Variants in SDCCAG8 observed in about 807,000 individuals in gnomAD.
The protein encoded by SDCCAG8 is SHH signaling and ciliogenesis regulator SDCCAG8, also known as serologically defined colon cancer antigen 8.
A neutral mutation model predicts 101.8 loss-of-function variants in SDCCAG8; 74 were observed. The ratio of observed to expected loss-of-function variants is 0.73; its 90% CI spans 0.60 to 0.88. SDCCAG8 has a LOEUF of 0.88. Ranked by LOEUF, SDCCAG8 falls within the 40% of genes least tolerant of loss-of-function variation. The pLI is 0.00. For synonymous variants in SDCCAG8, 281 were observed against 292.9 expected (o/e 0.96, Z 0.41); for missense variants, 787 against 822.6 (o/e 0.96, Z 0.53).
At chr1:243,476,090 C>T (rs1198264792) in intron 16 of SDCCAG8, 3 of 985,274 alleles carry the variant, frequency 3.0e-6, no homozygotes, top group African/African-American at 3.5e-5. Context: ...GTGTGGAGGA[C>T]CCCCTTTTAC....
chr1:243,498,244 G>C (rs1313342031), intron 17 of SDCCAG8, among the ~76,000 whole-genome samples: 1 of 152,214 alleles, frequency 6.6e-6, no homozygotes, highest in Non-Finnish European at 1.5e-5. Flanking sequence ...GATCGTGTTG[G>C]TGGCAGTCTC....
chr1:243,316,362 G>A (rs915209738), intron 8 of SDCCAG8, among the ~76,000 whole-genome samples: 1 of 152,198 alleles, frequency 6.6e-6, no homozygotes, highest in Non-Finnish European at 1.5e-5. Flanking sequence ...CATGGACAAA[G>A]CCTCAGTCCT....
At chr1:243,478,956 C>CAAAAAAAAAAAAAAAAAAAAAA (rs148382740) in intron 16 of SDCCAG8, among the ~76,000 whole-genome samples, 17 of 94,690 alleles carry the variant, frequency 1.8e-4, no homozygotes, top group African/African-American at 7.0e-4. Flanking sequence ...GACTCTGTCT[C>CAAAAAAAAAAAAAAAAAAAAAA]AAAAAAAAAA....
At chr1:243,353,368 G>C (rs2076194568) in intron 12 of SDCCAG8, among the ~76,000 whole-genome samples, 1 of 151,502 alleles carries the variant, frequency 6.6e-6, no homozygotes, top group Non-Finnish European at 1.5e-5. Flanking sequence ...GCGCGCGCCT[G>C]TAATCCCAGC....
chr1:243,411,895 C>G (rs1396652671), intron 13 of SDCCAG8, among the ~76,000 whole-genome samples: 1 of 152,154 alleles, frequency 6.6e-6, no homozygotes, highest in East Asian at 1.9e-4. Flanking sequence ...CCATAACTAC[C>G]AAGAAATTCT....
chr1:243,459,229 A>G (rs1416210758), intron 16 of SDCCAG8, among the ~76,000 whole-genome samples: 2 of 152,182 alleles, frequency 1.3e-5, no homozygotes, highest in Non-Finnish European at 2.9e-5. Context: ...ATGATTGAGG[A>G]AGTGGAGGCT....
At chr1:243,476,159 C>T in intron 16 of SDCCAG8, 1 of 985,450 alleles carries the variant, frequency 1.0e-6, no homozygotes, top group Non-Finnish European at 1.2e-6. Flanking sequence ...TTCTGAGTCA[C>T]TCTGTTCAGC....
At chr1:243,481,741 G>T (rs1054185257) in intron 16 of SDCCAG8, among the ~76,000 whole-genome samples, 1 of 152,152 alleles carries the variant, frequency 6.6e-6, no homozygotes, top group African/African-American at 2.4e-5. Flanking sequence ...GGAGGCTCTG[G>T]TCTGAAAACA....
intron 16 of SDCCAG8, among the ~76,000 whole-genome samples, chr1:243,484,369 C>T (rs1664359674): frequency 6.6e-6 from 1 of 152,256 alleles, no homozygotes; most frequent in Non-Finnish European, 1.5e-5. Context: ...ACCCACTCAT[C>T]CTTTCCCATC....
chr1:243,262,812 A>G (rs974081423), intron 1 of SDCCAG8, among the ~76,000 whole-genome samples: 2 of 152,238 alleles, frequency 1.3e-5, no homozygotes, highest in African/African-American at 4.8e-5. Context: ...AAAGTAGACA[A>G]GGTAGCTAGA....
At chr1:243,460,513 A>G (rs994083864) in intron 16 of SDCCAG8, among the ~76,000 whole-genome samples, 2 of 152,228 alleles carry the variant, frequency 1.3e-5, no homozygotes, top group Non-Finnish European at 2.9e-5. Context: ...AGAAAGTTGA[A>G]GCAGGTCCAT....
At chr1:243,278,110 C>T (rs1021075971) in intron 4 of SDCCAG8, among the ~76,000 whole-genome samples, 5 of 152,082 alleles carry the variant, frequency 3.3e-5, no homozygotes, top group African/African-American at 1.2e-4. Flanking sequence ...ATTGAGTATC[C>T]CTATCCATGA....
At chr1:243,262,487 T>C (rs2067271468) in intron 1 of SDCCAG8, among the ~76,000 whole-genome samples, 1 of 152,194 alleles carries the variant, frequency 6.6e-6, no homozygotes, top group African/African-American at 2.4e-5. Flanking sequence ...AATTTTTCTT[T>C]CCTACTACTG....
intron 10 of SDCCAG8, among the ~76,000 whole-genome samples, chr1:243,332,860 C>T (rs139415642): frequency 2.0e-5 from 3 of 151,548 alleles, no homozygotes; most frequent in Non-Finnish European, 2.9e-5. Flanking sequence ...AGGTGGTTAT[C>T]GTAGTCCAGG....
intron 9 of SDCCAG8, among the ~76,000 whole-genome samples, chr1:243,317,153 T>C (rs1174668780): frequency 1.3e-5 from 2 of 152,186 alleles, no homozygotes; most frequent in African/African-American, 4.8e-5. Flanking sequence ...ATATGCTTAA[T>C]CTTTTTATTT....
chr1:243,308,361 T>C (rs2072371434), intron 8 of SDCCAG8, among the ~76,000 whole-genome samples, 184 bp downstream of exon 8: 2 of 152,240 alleles, frequency 1.3e-5, no homozygotes, highest in African/African-American at 2.4e-5. Context: ...GGTTCTGCCA[T>C]GTCACCATGT....
At chr1:243,397,365 TA>T (rs1298623633) in intron 13 of SDCCAG8, among the ~76,000 whole-genome samples, 1 of 152,242 alleles carries the variant, frequency 6.6e-6, no homozygotes, top group Non-Finnish European at 1.5e-5. Flanking sequence ...TTTATTTTTT[TA>T]AGTTTCTAAG....
In SDCCAG8 at chr1:243,267,446, T is replaced by TA. The variant is rs200977917; in HGVS notation, c.68-2658dup. Reference sequence around the variant, plus strand: ...AAACCCCGTCTCTACTAAAAAAAAATACAGAATTAGCCGGGCGTGGTGACA... The same window carrying TA: ...AAACCCCGTCTCTACTAAAAAAAAATAACAGAATTAGCCGGGCGTGGTGACA... On this transcript the variant is annotated intron_variant, in intron 1 of 17. Coordinates refer to ENST00000366541, the MANE Select transcript of SDCCAG8 (RefSeq NM_006642.5). 9.8e-6 allele frequency: 3 copies of TA among 307,460 alleles called. No individual in the cohort carries two copies. In the East Asian group the frequency reaches 2.7e-4, roughly 27 times the overall value. The allele number at this position is 307,460 out of a possible 1,614,324, so 19.0% of individuals were successfully genotyped here.
intron 13 of SDCCAG8, among the ~76,000 whole-genome samples, chr1:243,379,155 C>G (rs754426040): frequency 1.3e-5 from 2 of 152,160 alleles, no homozygotes; most frequent in Non-Finnish European, 2.9e-5. Flanking sequence ...CCACTACTAC[C>G]TCTTCTGCTA....
Sources: gnomAD v4.1 joint callset for allele counts (sites outside exome capture counted in the v4.1 genomes callset) on GRCh38, gnomAD v4.1.1 for gene constraint, MANE v1.5 for transcripts, NCBI Gene and HGNC (gene_info 2026-07-23, HGNC 2026-07-21) for gene names.